Variants in UBR3 observed in about 807,000 individuals in gnomAD.
UBR3 encodes ubiquitin protein ligase E3 component n-recognin 3.
Under a neutral mutation model 243.2 loss-of-function variants are expected in UBR3, and 85 were observed. The observed-to-expected ratio is 0.35, with a 90% CI of 0.29 to 0.42. The LOEUF is 0.42. Among genes scored for constraint, UBR3 ranks in the 10% least tolerant of loss-of-function variants. The probability of loss-of-function intolerance (pLI) is 1.00; values close to 1 mark genes in which losing one functional copy is unlikely to be tolerated. For missense variants in UBR3, 1,686 were observed against 2,300.8 expected (o/e 0.73, Z 5.47); for synonymous variants, 748 against 799.8 (o/e 0.94, Z 1.09).
At chr2:169,997,341 G>A (rs768525158) in intron 26 of UBR3, among the ~76,000 whole-genome samples, 22 of 152,210 alleles carry the variant, frequency 1.4e-4, no homozygotes, top group Non-Finnish European at 2.5e-4. Context: ...TCCTGTGGTG[G>A]GGCCAGGTGT....
intron 35 of UBR3, among the ~76,000 whole-genome samples, chr2:170,071,409 T>G (rs996026506): frequency 6.6e-6 from 1 of 152,174 alleles, no homozygotes; most frequent in African/African-American, 2.4e-5. Context: ...ACATCCTGTA[T>G]GATTTTAATA....
intron 11 of UBR3, among the ~76,000 whole-genome samples, chr2:169,919,418 TA>T (rs2085600286): frequency 6.6e-6 from 1 of 152,172 alleles, no homozygotes; most frequent in Non-Finnish European, 1.5e-5. Context: ...ATTTCATGTC[TA>T]AAACACCAAA....
chr2:169,854,696 A>T (rs1003780536), intron 1 of UBR3, among the ~76,000 whole-genome samples: 1 of 152,208 alleles, frequency 6.6e-6, no homozygotes, highest in Non-Finnish European at 1.5e-5. Flanking sequence ...GAAATACAAC[A>T]TAAAGTGTTG....
At chr2:170,004,646 C>T (rs1267692893) in intron 27 of UBR3, among the ~76,000 whole-genome samples, 2 of 152,100 alleles carry the variant, frequency 1.3e-5, no homozygotes, top group Non-Finnish European at 2.9e-5. Flanking sequence ...TACGGTGGCT[C>T]ATGCCTATAA....
At chr2:169,832,557 A>G (rs2081972963) in intron 1 of UBR3, among the ~76,000 whole-genome samples, 1 of 151,114 alleles carries the variant, frequency 6.6e-6, no homozygotes, top group African/African-American at 2.4e-5. Flanking sequence ...ACAGAGCGTG[A>G]CTCTGTCTCA....
At chr2:170,019,340 C>T (rs1411504056) in intron 30 of UBR3, among the ~76,000 whole-genome samples, 1 of 152,164 alleles carries the variant, frequency 6.6e-6, no homozygotes, top group Non-Finnish European at 1.5e-5. Context: ...GTGCAGGCAA[C>T]TTAAAATAGT....
intron 11 of UBR3, among the ~76,000 whole-genome samples, chr2:169,920,641 T>C: frequency 6.6e-6 from 1 of 152,134 alleles, no homozygotes; most frequent in East Asian, 1.9e-4. Context: ...GCCTATGTGG[T>C]GAAATACTGC....
Position 169,896,252 on chromosome 2 carries a change from C to T in UBR3, c.1237-255C>T, listed in dbSNP as rs1324893670. ...GCAGTGAGCTGAGATCATGCCATTG[C>T]ACTCAGGCTTGGGGACAGAGCAAGA... On this transcript the variant is annotated intron_variant, in intron 7 of 38. Coordinates refer to ENST00000272793, the MANE Select transcript of UBR3 (RefSeq NM_172070.4). Among the ~76,000 whole-genome samples, 14 of 31,000 alleles carry T rather than the reference C, an allele frequency of 4.5e-4. No individual in the cohort carries two copies. In the East Asian group the frequency reaches 0.016, roughly 34 times the overall value. The allele number at this position is 31,000 out of a possible 152,430, so 20.3% of individuals were successfully genotyped here. A position where few individuals can be genotyped will look rare whatever the true frequency, so the allele number is the denominator to read the frequency against.
intron 31 of UBR3, among the ~76,000 whole-genome samples, chr2:170,031,426 A>G (rs2090665477): frequency 6.6e-6 from 1 of 151,982 alleles, no homozygotes; most frequent in African/African-American, 2.4e-5. Flanking sequence ...GTCACAGTTA[A>G]ACACGCCTTC....
chr2:169,847,760 A>G (rs952508826), intron 1 of UBR3, among the ~76,000 whole-genome samples: 2 of 152,220 alleles, frequency 1.3e-5, no homozygotes, highest in African/African-American at 4.8e-5. Context: ...GTTTTCCATC[A>G]GTTTGGCTGA....
chr2:169,939,441 T>TTC (rs1276079817), intron 19 of UBR3, among the ~76,000 whole-genome samples: 4 of 150,408 alleles, frequency 2.7e-5, no homozygotes, highest in African/African-American at 9.8e-5. Context: ...TGTATTTTTT[T>TTC]TTTTTTTAGT....
intron 18 of UBR3, among the ~76,000 whole-genome samples, chr2:169,929,568 ACTCCAT>A (rs2105348656): frequency 1.3e-5 from 2 of 151,684 alleles, no homozygotes; most frequent in South Asian, 4.2e-4. Flanking sequence ...CAAGAGTGAA[ACTCCAT>A]CTCAAAAAAA....
Position 169,833,146 on chromosome 2 carries a change from G to A in UBR3, c.545+5094G>A, listed in dbSNP as rs1188802528. ...GTGAGTGTCAGATCCCATGAATTCTGCATTTTTGATCCATGTTTAGTTAAA... is the reference window on the plus strand; with the variant it reads ...GTGAGTGTCAGATCCCATGAATTCTACATTTTTGATCCATGTTTAGTTAAA... On this transcript the variant is annotated intron_variant, in intron 1 of 38. Transcript: ENST00000272793. Among the ~76,000 whole-genome samples, 5 of 152,158 alleles carry A rather than the reference G, an allele frequency of 3.3e-5. No homozygotes were observed. The East Asian group carries it at 7.7e-4, about 23-fold the overall frequency.
intron 29 of UBR3, among the ~76,000 whole-genome samples, chr2:170,009,785 A>C (rs1243560907): frequency 6.6e-6 from 1 of 152,124 alleles, no homozygotes; most frequent in African/African-American, 2.4e-5. Context: ...GCAGAGTAGG[A>C]TCTCTTGAGT....
At chr2:169,954,527 G>A (rs893007502) in intron 23 of UBR3, among the ~76,000 whole-genome samples, 2 of 150,876 alleles carry the variant, frequency 1.3e-5, no homozygotes, top group African/African-American at 4.9e-5. Context: ...ACAGGCATGA[G>A]CCGCTGCTCC....
At chr2:169,893,716 C>T (rs1025092694) in intron 6 of UBR3, among the ~76,000 whole-genome samples, 1 of 152,026 alleles carries the variant, frequency 6.6e-6, no homozygotes, top group African/African-American at 2.4e-5. Flanking sequence ...CGCATGCCAC[C>T]CCACCTGGCT....
intron 1 of UBR3, among the ~76,000 whole-genome samples, chr2:169,867,671 A>C (rs1488734905): frequency 6.6e-6 from 1 of 152,244 alleles, no homozygotes; most frequent in Non-Finnish European, 1.5e-5. Context: ...ACGAATTAGT[A>C]AAGGGAATCT....
At chr2:169,869,081 G>A (rs901886268) in intron 1 of UBR3, among the ~76,000 whole-genome samples, 3 of 151,222 alleles carry the variant, frequency 2.0e-5, no homozygotes, top group African/African-American at 4.9e-5. Context: ...AGTTAGCTCT[G>A]GAGACATGGT....
At chr2:169,924,260 A>G (rs2085818420) in intron 13 of UBR3, 87 bp downstream of exon 13, 1 of 993,884 alleles carries the variant, frequency 1.0e-6, no homozygotes, top group Non-Finnish European at 1.4e-6. Context: ...CATTGTTATT[A>G]TAGCTGAGAT....
Sources: allele counts gnomAD v4.1 joint callset (sites outside exome capture counted in the v4.1 genomes callset), GRCh38; gene constraint gnomAD v4.1.1; transcripts MANE v1.5; gene names NCBI Gene and HGNC (gene_info 2026-07-23, HGNC 2026-07-21).